Variants in PRKG1 observed in about 807,000 individuals in gnomAD.
PRKG1 encodes the protein cGMP-dependent protein kinase 1.
Under a neutral mutation model 88.1 loss-of-function variants are expected in PRKG1, and 35 were observed. That is an observed-to-expected ratio of 0.40 (90% confidence interval 0.30 to 0.53). The LOEUF (loss-of-function observed/expected upper bound fraction) is 0.53, where lower values mean the gene tolerates loss of function less well. Among genes scored for constraint, PRKG1 ranks in the 20% least tolerant of loss-of-function variants. The probability of loss-of-function intolerance (pLI) is 0.59; values close to 1 mark genes in which losing one functional copy is unlikely to be tolerated. For synonymous variants in PRKG1, 303 were observed against 292.5 expected (o/e 1.04, Z -0.37); for missense variants, 540 against 839.8 (o/e 0.64, Z 4.41).
At chr10:52,041,631 A>G (rs1489923017) in intron 5 of PRKG1, among the ~76,000 whole-genome samples, 1 of 152,200 alleles carries the variant, frequency 6.6e-6, no homozygotes, top group Non-Finnish European at 1.5e-5. Flanking sequence ...GAGATTGGTT[A>G]TCATGATTTA....
At chr10:51,753,721 A>G (rs1837786349) in intron 3 of PRKG1, among the ~76,000 whole-genome samples, 1 of 152,126 alleles carries the variant, frequency 6.6e-6, no homozygotes, top group South Asian at 2.1e-4. Flanking sequence ...CAACAAGTAT[A>G]TTTTTTAGAA....
intron 2 of PRKG1, among the ~76,000 whole-genome samples, chr10:51,205,275 G>C (rs1398822980): frequency 1.3e-5 from 2 of 150,384 alleles, no homozygotes; most frequent in African/African-American, 4.9e-5. Flanking sequence ...GAGTAGCTGA[G>C]ACCACAGGCA....
rs71029341 is a variant in PRKG1 at position 51,016,673 on chromosome 10, C to CTTTTTTTTTTTTT, written c.266+25036_266+25048dup. ...AGTGAAGAAGGTATTATTATCCTTT[C>CTTTTTTTTTTTTT]TTTTTTTTTTTTTTTTTTTGGAATC... On this transcript the variant is annotated intron_variant, in intron 1 of 17. Coordinates refer to the PRKG1 transcript ENST00000401604. 2.4e-3 allele frequency among the ~76,000 whole-genome samples: 83 copies of CTTTTTTTTTTTTT among 35,178 alleles called. 24 individuals carry two copies. The highest frequency in any genetic ancestry group is 3.3e-3 in the Admixed American group (7 of 2,138). The allele number at this position is 35,178 out of a possible 152,430, so 23.1% of individuals were successfully genotyped here. A position where few individuals can be genotyped will look rare whatever the true frequency, so the allele number is the denominator to read the frequency against.
intron 5 of PRKG1, among the ~76,000 whole-genome samples, chr10:51,917,148 T>C (rs1842359285): frequency 6.6e-6 from 1 of 151,956 alleles, no homozygotes; most frequent in Admixed American, 6.6e-5. Flanking sequence ...TGAAACCCCA[T>C]CCCTACTAAA....
chr10:51,969,456 G>C (rs1220368206), intron 5 of PRKG1, among the ~76,000 whole-genome samples: 1 of 152,088 alleles, frequency 6.6e-6, no homozygotes, highest in Non-Finnish European at 1.5e-5. Context: ...CAGAGAATAA[G>C]GATATATAAC....
intron 2 of PRKG1, among the ~76,000 whole-genome samples, chr10:51,340,445 AC>A (rs1392959021): frequency 1.3e-5 from 2 of 152,114 alleles, no homozygotes; most frequent in Non-Finnish European, 2.9e-5. Flanking sequence ...ATTTTTATTC[AC>A]AGTTTGCATG....
intron 5 of PRKG1, among the ~76,000 whole-genome samples, chr10:52,051,463 G>A (rs1369664884): frequency 6.6e-6 from 1 of 152,120 alleles, no homozygotes; most frequent in Non-Finnish European, 1.5e-5. Flanking sequence ...GCTCTCACAC[G>A]TATAGCCCTG....
chr10:51,069,603 A>G (rs1383913404), upstream of PRKG1, among the ~76,000 whole-genome samples: 2 of 152,036 alleles, frequency 1.3e-5, no homozygotes. Context: ...TATTCATTGC[A>G]ATAGGATGAT....
At chr10:51,607,451 A>G (rs1291518331) in intron 3 of PRKG1, among the ~76,000 whole-genome samples, 1 of 152,236 alleles carries the variant, frequency 6.6e-6, no homozygotes, top group Non-Finnish European at 1.5e-5. Flanking sequence ...GGCTCTCAGT[A>G]GCAGCTAGGT....
chr10:52,128,863 G>A (rs1837175170), intron 7 of PRKG1, among the ~76,000 whole-genome samples: 2 of 152,142 alleles, frequency 1.3e-5, no homozygotes, highest in Admixed American at 6.5e-5. Context: ...TTTGCATGTT[G>A]GATGTGGACT....
chr10:51,604,565 G>A lies in PRKG1; in HGVS notation c.592+136729G>A, dbSNP rs144572125. 1.0e-3 allele frequency among the ~76,000 whole-genome samples: 157 copies of A among 152,334 alleles called. 2 individuals are homozygous for A. Among genetic ancestry groups the A allele is most frequent in the African/African-American group, 3.7e-3 (153 of 41,584 alleles). On this transcript the variant is annotated intron_variant, in intron 3 of 17. Transcript: ENST00000373980. ...ATCTAAAAAGGAAAGTGGATGCAAT[G>A]TAAATTTTTCTTAATGCTGTGTGAG...
intron 1 of PRKG1, among the ~76,000 whole-genome samples, chr10:51,120,514 CCT>C (rs1165024171): frequency 2.6e-5 from 4 of 152,000 alleles, no homozygotes; most frequent in Admixed American, 1.3e-4. Flanking sequence ...TTTTCTGGCC[CCT>C]GTTTTTGAAC....
chr10:51,782,251 G>A (rs1178459195), intron 3 of PRKG1, among the ~76,000 whole-genome samples: 3 of 152,184 alleles, frequency 2.0e-5, no homozygotes, highest in Middle Eastern at 3.4e-3. Flanking sequence ...TTATCAGGGC[G>A]TTAAATGCGT....
intron 3 of PRKG1, among the ~76,000 whole-genome samples, chr10:51,481,272 CTT>C (rs1218949998): frequency 7.8e-6 from 1 of 128,076 alleles, no homozygotes; most frequent in African/African-American, 2.8e-5. Context: ...TTCTTTCTTT[CTT>C]TCTCACTCTG....
At chr10:51,435,489 A>C in intron 2 of PRKG1, among the ~76,000 whole-genome samples, 1 of 144,226 alleles carries the variant, frequency 6.9e-6, no homozygotes. Context: ...GGAGGATGCC[A>C]TTGGCCTGGC....
chr10:51,108,743 G>A (rs1844909084), intron 1 of PRKG1, among the ~76,000 whole-genome samples: 1 of 152,126 alleles, frequency 6.6e-6, no homozygotes, highest in Admixed American at 6.5e-5. Context: ...TTCCACTTCA[G>A]TTCAACATTG....
intron 9 of PRKG1, chr10:52,231,151 A>G (rs1247687970): frequency 6.6e-6 from 1 of 152,292 alleles, no homozygotes; most frequent in Non-Finnish European, 1.5e-5. Flanking sequence ...TAATCTCAGC[A>G]CTTTGAGAGG....
intron 9 of PRKG1, among the ~76,000 whole-genome samples, chr10:52,188,316 A>G (rs1418811551): frequency 1.5e-5 from 2 of 131,364 alleles, no homozygotes; most frequent in Admixed American, 7.7e-5. Context: ...ATATATACAT[A>G]TGTATATATA....
intron 2 of PRKG1, among the ~76,000 whole-genome samples, chr10:51,200,986 G>A (rs1181063330): frequency 6.6e-6 from 1 of 152,028 alleles, no homozygotes; most frequent in African/African-American, 2.4e-5. Context: ...TAGTTTGATG[G>A]GGCCACTAAT....
Sources: allele counts gnomAD v4.1 joint callset (sites outside exome capture counted in the v4.1 genomes callset), GRCh38; gene constraint gnomAD v4.1.1; transcripts MANE v1.5; gene names NCBI Gene and HGNC (gene_info 2026-07-23, HGNC 2026-07-21).